Variants in SLC7A1 observed in about 807,000 individuals in gnomAD.
SLC7A1 encodes high affinity cationic amino acid transporter 1.
Under a neutral mutation model 53.9 loss-of-function variants are expected in SLC7A1, and 10 were observed. The observed-to-expected ratio is 0.19, with a 90% confidence interval of 0.11 to 0.31. The LOEUF (loss-of-function observed/expected upper bound fraction) is 0.31. SLC7A1 is among the 10% of genes least tolerant of loss of function. SLC7A1 has a pLI of 1.00. For missense variants in SLC7A1, 525 were observed against 827.2 expected (o/e 0.63, Z 4.48); for synonymous variants, 342 against 338.7 (o/e 1.01, Z -0.11).
At chr13:29,543,268 C>T (rs1310944056) in intron 2 of SLC7A1, among the ~76,000 whole-genome samples, 1 of 152,214 alleles carries the variant, frequency 6.6e-6, no homozygotes, top group African/African-American at 2.4e-5. Flanking sequence ...TACAGAGGCA[C>T]AGAGCCATTT....
intron 1 of SLC7A1, among the ~76,000 whole-genome samples, chr13:29,582,632 C>A (rs280937): frequency 0.97 from 148,026 of 152,216 alleles, 72,115 homozygotes; most frequent in East Asian, 1. Context: ...TTGCTACTCC[C>A]AGTGACCCTG....
intron 2 of SLC7A1, among the ~76,000 whole-genome samples, chr13:29,546,570 C>T (rs1041897067): frequency 6.6e-6 from 1 of 152,220 alleles, no homozygotes; most frequent in Admixed American, 6.5e-5. Context: ...GATATTTTCC[C>T]ACTCACTCAT....
intron 2 of SLC7A1, among the ~76,000 whole-genome samples, chr13:29,539,290 T>C (rs1475912409): frequency 6.6e-6 from 1 of 152,100 alleles, no homozygotes; most frequent in Non-Finnish European, 1.5e-5. Context: ...GTTAACATAG[T>C]TCTGGGCCTC....
intron 9 of SLC7A1, 51 bp from the exon 10 acceptor site, chr13:29,517,841 C>T (rs759181013): frequency 4.2e-6 from 6 of 1,443,800 alleles, no homozygotes; most frequent in South Asian, 1.1e-5. Flanking sequence ...AGCAAAATGA[C>T]GTGCACCAAC....
Position 29,517,247 on chromosome 13 carries a change from G to T in SLC7A1, c.1574C>A (p.Ala525Glu), listed in dbSNP as rs569947462. ...VLGREALTKG[A>E]LWAVFLLAGS... ...TGCGAGCAGAAAGACTGCCCACAGC[G>T]CCCCTTTGGTGAGAGCCTCCCTTCC... The change falls in exon 11 of 13, where the codon GCG becomes GAG. Residue 525 changes from alanine (A) to glutamate (E), a missense_variant. Physicochemically the swap from Ala to Glu is moderately radical, Grantham distance 107. This residue lies in a region of SLC7A1 where 122 missense variants were observed against 140.9 expected (regional missense o/e 0.87). Transcript: ENST00000380752. 2 of 1,613,306 alleles carry T rather than the reference G, an allele frequency of 1.2e-6. No homozygotes were observed. The highest frequency in any genetic ancestry group is 4.5e-5 in the East Asian group (2 of 44,870).
At chr13:29,555,899 A>C (rs1278777408) in intron 1 of SLC7A1, among the ~76,000 whole-genome samples, 1 of 152,238 alleles carries the variant, frequency 6.6e-6, no homozygotes, top group Non-Finnish European at 1.5e-5. Flanking sequence ...AGATCCACGT[A>C]ATTCAGTAAA....
At position 29,532,878 on chromosome 13, in the gene SLC7A1, C is replaced by A. The variant is rs1449503008; in HGVS notation, c.475G>T (p.Val159Leu). The A allele has an allele frequency of 1.9e-6, 3 of 1,614,112 alleles. No homozygotes were observed. Among genetic ancestry groups the A allele is most frequent in the Non-Finnish European group, 2.5e-6 (3 of 1,179,990 alleles). Reference protein sequence around the residue: ...RTHMTLNAPGVLAENPDIFAV... With the variant: ...RTHMTLNAPGLLAENPDIFAV... ...AATATGTCGGGGTTTTCAGCCAGCACGCCGGGGGCGTTCAGAGTCATGTGT... is the reference window on the plus strand; with the variant it reads ...AATATGTCGGGGTTTTCAGCCAGCAAGCCGGGGGCGTTCAGAGTCATGTGT... Residue 159 changes from valine to leucine, a missense_variant, in exon 4 of 13, where the codon GTG becomes TTG. Transcript: ENST00000380752.
In SLC7A1 at chr13:29,522,327, AC is replaced by A; in HGVS notation, c.1178del (p.Gly393ValfsTer6). On this transcript the variant is annotated frameshift_variant, in exon 8 of 13. Transcript: ENST00000380752. LOFTEE classifies it high-confidence loss of function. ...KTPIIATLAS[G>X]AVAAVMAFLF... The stretch of plus-strand genomic sequence containing the variant: ...AGTTCTAGTACTCACCAGCAACGGC[AC>A]CCGAGGCTAATGTGGCGATTATTGG... 6.2e-7 allele frequency: 1 copy of A among 1,614,234 alleles called. No homozygotes were observed. The highest frequency in any genetic ancestry group is 8.5e-7 in the Non-Finnish European group (1 of 1,180,030).
intron 1 of SLC7A1, among the ~76,000 whole-genome samples, chr13:29,567,428 C>T (rs894588256): frequency 1.4e-4 from 22 of 152,260 alleles, no homozygotes; most frequent in African/African-American, 5.3e-4. Context: ...CCCAGTATTT[C>T]CTAAGGCCAT....
At chr13:29,588,953 T>A (rs945397487) in intron 1 of SLC7A1, among the ~76,000 whole-genome samples, 2 of 152,154 alleles carry the variant, frequency 1.3e-5, no homozygotes, top group South Asian at 4.1e-4. Context: ...TCCCAGAAAC[T>A]GCACCCTAAC....
rs114915053 is a variant in SLC7A1 at position 29,581,908 on chromosome 13, C to A, written c.-115+13508G>T. 2.3e-3 allele frequency among the ~76,000 whole-genome samples: 351 copies of A among 152,358 alleles called. 1 individual carries two copies. The highest frequency in any genetic ancestry group is 8.1e-3 in the African/African-American group (337 of 41,584). ...CTCCTTTAGCGGCAAAATACCAACA[C>A]ATTTATGTGCAACCTCAGGAATGGG... On this transcript the variant is annotated intron_variant, in intron 1 of 12. Transcript: ENST00000380752.
At chr13:29,544,493 G>C (rs1350032420) in intron 2 of SLC7A1, among the ~76,000 whole-genome samples, 3 of 152,086 alleles carry the variant, frequency 2.0e-5, no homozygotes, top group African/African-American at 7.2e-5. Context: ...TATCAGGTAG[G>C]CAATACTTTG....
chr13:29,567,236 A>C lies in SLC7A1; in HGVS notation c.-114-13376T>G, dbSNP rs143399182. Among the ~76,000 whole-genome samples the C allele has an allele frequency of 2.8e-3, 420 of 152,226 alleles. 1 individual carries two copies. The highest frequency in any genetic ancestry group is 9.7e-3 in the African/African-American group (401 of 41,530). On this transcript the variant is annotated intron_variant, in intron 1 of 12. Transcript: ENST00000380752. ...GCAGGTTGCAGCATTTTTTGGTTTAAATAATGCCATACACGTGGTTTTTAA... is the reference window on the plus strand; with the variant it reads ...GCAGGTTGCAGCATTTTTTGGTTTACATAATGCCATACACGTGGTTTTTAA...
intron 2 of SLC7A1, among the ~76,000 whole-genome samples, chr13:29,542,454 C>CAA (rs36035912): frequency 3.3e-5 from 5 of 150,394 alleles, no homozygotes; most frequent in Admixed American, 2.0e-4. Flanking sequence ...AAATCTGTCT[C>CAA]AAAAAAAAAG....
intron 1 of SLC7A1, among the ~76,000 whole-genome samples, chr13:29,593,574 G>T (rs1872192379): frequency 6.6e-6 from 1 of 152,192 alleles, no homozygotes; most frequent in South Asian, 2.1e-4. Context: ...TAATGAGAAA[G>T]GATTAATTTA....
chr13:29,583,344 C>T (rs546873552), intron 1 of SLC7A1, among the ~76,000 whole-genome samples: 1 of 152,316 alleles, frequency 6.6e-6, no homozygotes, highest in East Asian at 1.9e-4. Flanking sequence ...GTTGAGAAAC[C>T]CATGCTTTCC....
Position 29,578,791 on chromosome 13 carries a change from C to T in SLC7A1, c.-115+16625G>A, listed in dbSNP as rs574453403. ...CCCTCAATACCCCGGCTCCCTGTCA[C>T]AGCCTGTCAAAAGCCACAGACTTTA... On this transcript the variant is annotated intron_variant, in intron 1 of 12. Coordinates refer to ENST00000380752, the MANE Select transcript of SLC7A1 (RefSeq NM_003045.5). Among the ~76,000 whole-genome samples, 4 of 152,394 alleles carry T rather than the reference C, an allele frequency of 2.6e-5. No individual in the cohort carries two copies. In the South Asian group the frequency reaches 8.3e-4, roughly 32 times the overall value.
intron 1 of SLC7A1, among the ~76,000 whole-genome samples, chr13:29,591,431 C>A (rs541569575): frequency 7.0e-4 from 107 of 152,314 alleles, no homozygotes; most frequent in African/African-American, 2.6e-3. Flanking sequence ...GACCCCACAG[C>A]GTAGAAGCCC....
rs1032668619 is a variant in SLC7A1, at chr13:29,529,189, G to A, written c.704+1349C>T. Reference sequence around the variant, plus strand: ...CTCCATAACAGAGTTTAGGAAAGCAGTTTTATTAGAACTGCTAACCACAAA... The same window carrying A: ...CTCCATAACAGAGTTTAGGAAAGCAATTTTATTAGAACTGCTAACCACAAA... On this transcript the variant is annotated intron_variant, in intron 5 of 12. Transcript: ENST00000380752. Among the ~76,000 whole-genome samples the A allele has an allele frequency of 6.6e-5, 10 of 152,186 alleles. 1 individual carries two copies. The highest frequency in any genetic ancestry group is 2.1e-4 in the South Asian group (1 of 4,830).
Sources: gnomAD v4.1 joint callset for allele counts (sites outside exome capture counted in the v4.1 genomes callset) on GRCh38, gnomAD v4.1.1 for gene constraint, gnomAD v4.1.1 regional missense constraint, MANE v1.5 for transcripts, NCBI Gene and HGNC (gene_info 2026-07-23, HGNC 2026-07-21) for gene names.